PRICKLE2: variants seen among roughly 807,000 people sequenced by gnomAD.
The protein encoded by PRICKLE2 is prickle planar cell polarity protein 2.
PRICKLE2 carries 21 observed loss-of-function variants against 81.4 expected under a neutral mutation model. The observed-to-expected ratio is 0.26, with a 90% confidence interval of 0.18 to 0.37. The LOEUF (loss-of-function observed/expected upper bound fraction) is 0.37, where lower values mean the gene tolerates loss of function less well. Ranked by LOEUF, PRICKLE2 falls within the 10% of genes least tolerant of loss-of-function variation. The probability of loss-of-function intolerance (pLI) is 1.00; values close to 1 mark genes in which losing one functional copy is unlikely to be tolerated. For synonymous variants in PRICKLE2, 456 were observed against 421.5 expected, an observed-to-expected ratio of 1.08 and a Z score of -1.00; for missense variants, 940 against 1,109.0, an observed-to-expected ratio of 0.85 and a Z score of 2.16.
upstream of PRICKLE2, among the ~76,000 whole-genome samples, chr3:64,229,643 T>A (rs900306691): frequency 6.6e-6 from 1 of 152,190 alleles, no homozygotes; most frequent in Non-Finnish European, 1.5e-5. Context: ...CTCATTTAGA[T>A]TACTACCTTC....
At chr3:64,239,773 A>G (rs1379289506) in intron 2 of PRICKLE2, among the ~76,000 whole-genome samples, 2 of 150,258 alleles carry the variant, frequency 1.3e-5, no homozygotes, top group Non-Finnish European at 2.9e-5. Context: ...GCATCCGTCT[A>G]ATTTCTGAAT....
At chr3:64,207,924 G>C (rs2078718226) in intron 1 of PRICKLE2, among the ~76,000 whole-genome samples, 1 of 151,620 alleles carries the variant, frequency 6.6e-6, no homozygotes, top group African/African-American at 2.4e-5. Flanking sequence ...CTCTGGGAAA[G>C]GCTGACGCAG....
At chr3:64,117,959 A>G (rs753389723) in intron 7 of PRICKLE2, among the ~76,000 whole-genome samples, 8 of 152,254 alleles carry the variant, frequency 5.3e-5, no homozygotes, top group Non-Finnish European at 8.8e-5. Flanking sequence ...ACTATATTAC[A>G]GGGCTACAGT....
At chr3:64,159,706 C>T (rs2077698609) in intron 4 of PRICKLE2, among the ~76,000 whole-genome samples, 2 of 152,218 alleles carry the variant, frequency 1.3e-5, no homozygotes, top group Non-Finnish European at 2.9e-5. Flanking sequence ...ACTTCCAGTA[C>T]ATTCAAGTCT....
At chr3:64,146,670 G>C (rs1045377945) in intron 7 of PRICKLE2, 160 bp downstream of exon 7, 7 of 734,540 alleles carry the variant, frequency 9.5e-6, no homozygotes, top group East Asian at 2.7e-5. Context: ...GTGAACCCGG[G>C]AGGTGGAGCT....
Position 64,159,923 on chromosome 3 carries a change from C to T in PRICKLE2, c.396+17G>A, listed in dbSNP as rs2077703045. The T allele has an allele frequency of 1.2e-6, 2 of 1,614,092 alleles. No individual in the cohort carries two copies. The highest frequency in any genetic ancestry group is 1.7e-5 in the Admixed American group (1 of 60,008). On this transcript the variant is annotated intron_variant, in intron 4 of 7. Coordinates refer to ENST00000638394, the MANE Select transcript of PRICKLE2 (RefSeq NM_198859.4). ...TGCCAGAACAATGCCTCTTCACTCC[C>T]CTGAATCCATGCTTACCTGTTCACA...
rs917522022 is a variant in PRICKLE2 at position 64,096,859 on chromosome 3, C to T, written c.*2192G>A. On this transcript the variant is annotated 3_prime_UTR_variant, in exon 8 of 8. Transcript: ENST00000638394. ...GGGCCACAGAGGACAGACATATTTT[C>T]AACCGTTTGCTAAGATAAGTGATCT... is the stretch of plus-strand genomic sequence containing the variant. 2.0e-5 allele frequency: 3 copies of T among 152,652 alleles called. No individual in the cohort carries two copies. The highest frequency in any genetic ancestry group is 7.2e-5 in the African/African-American group (3 of 41,454). The allele number at this position is 152,652 out of a possible 1,614,324, so 9.5% of individuals were successfully genotyped here.
chr3:64,177,124 C>CTTT (rs2078038395), intron 2 of PRICKLE2, among the ~76,000 whole-genome samples: 1 of 61,606 alleles, frequency 1.6e-5, no homozygotes, highest in African/African-American at 6.3e-5. Flanking sequence ...GCCATTTTAA[C>CTTT]CTTTTTTTTT....
At position 64,122,717 on chromosome 3, in the gene PRICKLE2, G is replaced by A. The variant is rs554890866; in HGVS notation, c.1661-22792C>T. Among the ~76,000 whole-genome samples the A allele has an allele frequency of 2.0e-4, 31 of 152,278 alleles. No individual in the cohort carries two copies. The East Asian group carries it at 5.8e-3, about 29-fold the overall frequency. On this transcript the variant is annotated intron_variant, in intron 7 of 7. Transcript: ENST00000638394. ...GCCACTGTCAGACGCAGGCTTTCCAGGACAATTTGTGTTACTCCTCCCGCC... is the reference window on the plus strand; with the variant it reads ...GCCACTGTCAGACGCAGGCTTTCCAAGACAATTTGTGTTACTCCTCCCGCC...
chr3:64,153,662 T>A, intron 5 of PRICKLE2: 1 of 387,246 alleles, frequency 2.6e-6, no homozygotes, highest in South Asian at 2.7e-5. Flanking sequence ...GATCAAAAAC[T>A]GACAGCTCAC....
intron 2 of PRICKLE2, among the ~76,000 whole-genome samples, chr3:64,194,996 C>T (rs1227887475): frequency 2.0e-5 from 3 of 152,188 alleles, no homozygotes; most frequent in Non-Finnish European, 2.9e-5. Context: ...GAGCTATGAT[C>T]GTACCACTGC....
intron 7 of PRICKLE2, among the ~76,000 whole-genome samples, chr3:64,143,239 AAATTTTAATTTCATTT>A (rs1297518927): frequency 1.2e-4 from 18 of 152,214 alleles, no homozygotes; most frequent in African/African-American, 4.3e-4. Flanking sequence ...TAATGGCCTG[AAATTTTAATTTCATTT>A]AATTTTAATT....
chr3:64,267,246 T>C lies in PRICKLE2; in HGVS notation c.129-68279A>G, dbSNP rs704419. ...CATCTCCAAACTATACACTCCCCCA[T>C]GTAGAGCTAGGAAGGGCTAGGAGAA... is the stretch of plus-strand genomic sequence containing the variant. On this transcript the variant is annotated intron_variant, in intron 2 of 8. Transcript: ENST00000295902. Among the ~76,000 whole-genome samples, 880 of 152,160 alleles carry C rather than the reference T, an allele frequency of 5.8e-3. 13 individuals carry two copies. Among genetic ancestry groups the C allele is most frequent in the African/African-American group, 0.02 (823 of 41,514 alleles).
At chr3:64,258,845 A>ATAGAAAGAAAGAAAGAAAGAAAG (rs1553663503) in intron 2 of PRICKLE2, among the ~76,000 whole-genome samples, 2 of 34,000 alleles carry the variant, frequency 5.9e-5, no homozygotes, top group Non-Finnish European at 1.0e-4. Flanking sequence ...AAAAAAAAAA[A>ATAGAAAGAAAGAAAGAAAGAAAG]AAAGAAAGAA....
At chr3:64,236,273 G>A (rs996580453) in intron 2 of PRICKLE2, among the ~76,000 whole-genome samples, 1 of 151,996 alleles carries the variant, frequency 6.6e-6, no homozygotes, top group East Asian at 1.9e-4. Flanking sequence ...GATCCCCAGG[G>A]CCCAGAAAAA....
In PRICKLE2 at chr3:64,225,383, A is replaced by G. The variant is rs2079017281; in HGVS notation, c.-514T>C. 1.0e-6 allele frequency: 1 copy of G among 985,180 alleles called. No homozygotes were observed. Among genetic ancestry groups the G allele is most frequent in the Admixed American group, 6.2e-5 (1 of 16,236 alleles). 61.0% of individuals were successfully genotyped at this position (985,180 alleles called of 1,614,324 possible). ...CTGCTCACAGAGCTCAAGCCACTGAACCAGGAAATGTGCTGCTTGGTCAAA... is the reference window on the plus strand; with the variant it reads ...CTGCTCACAGAGCTCAAGCCACTGAGCCAGGAAATGTGCTGCTTGGTCAAA... On this transcript the variant is annotated 5_prime_UTR_variant, in exon 1 of 8. Transcript: ENST00000638394.
intron 6 of PRICKLE2, among the ~76,000 whole-genome samples, chr3:64,152,607 C>G (rs971838417): frequency 6.6e-6 from 1 of 151,404 alleles, no homozygotes; most frequent in African/African-American, 2.4e-5. Flanking sequence ...CCTTGACAAT[C>G]CCTCTCCACC....
rs1402606036 is a variant in PRICKLE2 at position 64,093,514 on chromosome 3, C to T, written c.*5537G>A. 2 of 152,204 alleles carry T rather than the reference C, an allele frequency of 1.3e-5. No homozygotes were observed. The highest frequency in any genetic ancestry group is 2.9e-5 in the Non-Finnish European group (2 of 68,034). The allele number at this position is 152,204 out of a possible 1,614,324, so 9.4% of individuals were successfully genotyped here. A position where few individuals can be genotyped will look rare whatever the true frequency, so the allele number is the denominator to read the frequency against. On this transcript the variant is annotated 3_prime_UTR_variant, in exon 8 of 8. Coordinates refer to ENST00000638394, the MANE Select transcript of PRICKLE2 (RefSeq NM_198859.4). ...AAGTGTTCCAATTGCTCCACATCCT[C>T]ACCCACATTTGTTGTTATTTTTAAT...
At chr3:64,173,790 C>T (rs2077974135) in intron 2 of PRICKLE2, among the ~76,000 whole-genome samples, 1 of 152,242 alleles carries the variant, frequency 6.6e-6, no homozygotes, top group African/African-American at 2.4e-5. Context: ...TCTATCTCAG[C>T]TGACACATAC....
Sources: allele counts gnomAD v4.1 joint callset (sites outside exome capture counted in the v4.1 genomes callset), GRCh38; gene constraint gnomAD v4.1.1; transcripts MANE v1.5; gene names NCBI Gene and HGNC (gene_info 2026-07-23, HGNC 2026-07-21).